The following DEPTOR variants were observed in gnomAD, a reference collection of about 807,000 sequenced individuals.
DEPTOR encodes DEP domain containing MTOR interacting protein, also known as DEP domain-containing mTOR-interacting protein.
Under a neutral mutation model 41.6 loss-of-function variants are expected in DEPTOR, and 41 were observed. That is an observed-to-expected ratio of 0.98 (90% CI 0.77 to 1.28). The LOEUF is 1.28. Among genes scored for constraint, DEPTOR ranks in the 50% most tolerant of loss-of-function variants. The pLI is 0.00. For missense variants in DEPTOR, 514 were observed against 527.9 expected, an observed-to-expected ratio of 0.97 and a Z score of 0.26; for synonymous variants, 195 against 192.3, an observed-to-expected ratio of 1.01 and a Z score of -0.12.
At position 119,889,035 on chromosome 8, in the gene DEPTOR, A is replaced by G. The variant is rs1009361281; in HGVS notation, c.122+15067A>G. ...ATCTCATGTCTCATACATTATTCAT[A>G]TAATGAATTTATTTAAAAATTTGTA... On this transcript the variant is annotated intron_variant, in intron 1 of 8. Coordinates refer to ENST00000286234, the MANE Select transcript of DEPTOR (RefSeq NM_022783.4). Among the ~76,000 whole-genome samples, 3 of 152,260 alleles carry G rather than the reference A, an allele frequency of 2.0e-5. No homozygotes were observed. The South Asian group carries it at 6.2e-4, about 32-fold the overall frequency.
intron 3 of DEPTOR, among the ~76,000 whole-genome samples, chr8:119,931,040 C>T (rs1266178561): frequency 1.3e-5 from 2 of 151,892 alleles, no homozygotes; most frequent in African/African-American, 2.4e-5. Flanking sequence ...GGTGAAAGCC[C>T]GTCTCCACTA....
chr8:120,037,837 G>A (rs147187140), intron 8 of DEPTOR, among the ~76,000 whole-genome samples: 72 of 152,266 alleles, frequency 4.7e-4, no homozygotes, highest in African/African-American at 1.7e-3. Context: ...AAATGCCCCT[G>A]TCACATTCCC....
At chr8:119,957,478 T>A (rs867563540) in intron 3 of DEPTOR, among the ~76,000 whole-genome samples, 2 of 152,122 alleles carry the variant, frequency 1.3e-5, no homozygotes, top group African/African-American at 4.8e-5. Flanking sequence ...CTAGTTTTTC[T>A]TCCATTTTGT....
At chr8:119,896,735 C>A (rs1827525061) in intron 1 of DEPTOR, among the ~76,000 whole-genome samples, 1 of 152,068 alleles carries the variant, frequency 6.6e-6, no homozygotes, top group South Asian at 2.1e-4. Context: ...TGACCTCATG[C>A]AATCCTCCTG....
At chr8:119,902,813 G>A (rs1440908200) in intron 1 of DEPTOR, among the ~76,000 whole-genome samples, 2 of 152,160 alleles carry the variant, frequency 1.3e-5, no homozygotes, top group Non-Finnish European at 2.9e-5. Flanking sequence ...AAATTAAGTT[G>A]TATAGTTCTT....
chr8:119,946,227 A>C (rs1367955090), intron 3 of DEPTOR, among the ~76,000 whole-genome samples: 1 of 152,202 alleles, frequency 6.6e-6, no homozygotes, highest in Non-Finnish European at 1.5e-5. Flanking sequence ...AGACCCCCTA[A>C]CAAAAGAGTG....
At chr8:119,936,663 C>T (rs1050934309) in intron 3 of DEPTOR, among the ~76,000 whole-genome samples, 6 of 152,182 alleles carry the variant, frequency 3.9e-5, no homozygotes, top group Non-Finnish European at 8.8e-5. Flanking sequence ...CCATCTTGTT[C>T]TATTTCCAGT....
At chr8:119,942,471 G>T (rs1828215741) in intron 3 of DEPTOR, among the ~76,000 whole-genome samples, 2 of 152,192 alleles carry the variant, frequency 1.3e-5, no homozygotes, top group African/African-American at 2.4e-5. Flanking sequence ...TTCCCAAAGT[G>T]CTGGGATTAC....
chr8:119,895,735 C>T (rs1827512267), intron 1 of DEPTOR, among the ~76,000 whole-genome samples: 1 of 152,146 alleles, frequency 6.6e-6, no homozygotes, highest in African/African-American at 2.4e-5. Context: ...GGTCCCTCCT[C>T]AGCTGGCATG....
At chr8:119,915,630 G>A (rs182323358) in intron 1 of DEPTOR, among the ~76,000 whole-genome samples, 1 of 152,276 alleles carries the variant, frequency 6.6e-6, no homozygotes, top group Non-Finnish European at 1.5e-5. Flanking sequence ...CCTAACTTCT[G>A]TAAGTCTCCG....
chr8:119,955,764 C>A (rs1412091181), intron 3 of DEPTOR, among the ~76,000 whole-genome samples: 1 of 152,170 alleles, frequency 6.6e-6, no homozygotes, highest in East Asian at 1.9e-4. Flanking sequence ...CTGCACCCTG[C>A]TGACATAATT....
chr8:119,897,770 C>T (rs1183529964), intron 1 of DEPTOR, among the ~76,000 whole-genome samples: 1 of 152,104 alleles, frequency 6.6e-6, no homozygotes, highest in East Asian at 1.9e-4. Context: ...GCTGGGATTA[C>T]AGGCGTGAGC....
intron 1 of DEPTOR, among the ~76,000 whole-genome samples, chr8:119,891,643 C>T (rs1182167381): frequency 2.0e-5 from 3 of 152,178 alleles, no homozygotes; most frequent in Non-Finnish European, 2.9e-5. Flanking sequence ...CCTGTCCCCC[C>T]CAGCAAAGAT....
chr8:119,957,073 G>A (rs1421192785), intron 3 of DEPTOR, among the ~76,000 whole-genome samples: 1 of 151,986 alleles, frequency 6.6e-6, no homozygotes, highest in Non-Finnish European at 1.5e-5. Flanking sequence ...AGGCTGGAGT[G>A]CAGTGGCACA....
intron 8 of DEPTOR, among the ~76,000 whole-genome samples, chr8:120,046,573 C>T (rs985458951): frequency 2.6e-5 from 4 of 152,034 alleles, no homozygotes; most frequent in African/African-American, 9.7e-5. Flanking sequence ...TATGGATATA[C>T]TGAATTATAT....
chr8:119,936,445 T>G (rs2129877474), intron 3 of DEPTOR, among the ~76,000 whole-genome samples: 1 of 152,348 alleles, frequency 6.6e-6, no homozygotes, highest in Admixed American at 6.5e-5. Context: ...ATTCACCTTG[T>G]CTGGCCTCTT....
intron 3 of DEPTOR, among the ~76,000 whole-genome samples, chr8:119,933,213 T>C (rs901663853): frequency 1.3e-5 from 2 of 151,896 alleles, no homozygotes; most frequent in African/African-American, 4.8e-5. Context: ...GCTCAAGTAA[T>C]ATGTGGTGGC....
chr8:120,017,630 C>T (rs986111603), intron 8 of DEPTOR, among the ~76,000 whole-genome samples: 1 of 152,170 alleles, frequency 6.6e-6, no homozygotes, highest in Admixed American at 6.6e-5. Flanking sequence ...CAGGGTCATC[C>T]AAGTGAAAAA....
chr8:119,914,586 C>T (rs550931186), intron 1 of DEPTOR, among the ~76,000 whole-genome samples: 1 of 152,052 alleles, frequency 6.6e-6, no homozygotes, highest in African/African-American at 2.4e-5. Flanking sequence ...ATTACAGGTG[C>T]TTGCCACCAC....
Sources: allele counts gnomAD v4.1 joint callset (sites outside exome capture counted in the v4.1 genomes callset), GRCh38; gene constraint gnomAD v4.1.1; transcripts MANE v1.5; gene names NCBI Gene and HGNC (gene_info 2026-07-23, HGNC 2026-07-21).